SHISAL1: variants seen among roughly 807,000 people sequenced by gnomAD.
SHISAL1 encodes the protein protein shisa-like-1.
In SHISAL1, 9 loss-of-function variants were observed where a neutral mutation model predicts 22.6. The observed-to-expected ratio is 0.40, with a 90% CI of 0.24 to 0.70. The LOEUF (loss-of-function observed/expected upper bound fraction) is 0.70. SHISAL1 is among the 30% of genes least tolerant of loss of function. The pLI, the probability that SHISAL1 is intolerant of heterozygous loss-of-function variation, is 0.39. For synonymous variants in SHISAL1, 119 were observed against 115.4 expected (o/e 1.03, Z -0.20); for missense variants, 246 against 270.6 (o/e 0.91, Z 0.64).
At chr22:44,259,774 TA>T (rs1783808232) in intron 4 of SHISAL1, among the ~76,000 whole-genome samples, 1 of 152,198 alleles carries the variant, frequency 6.6e-6, no homozygotes, top group African/African-American at 2.4e-5. Context: ...AATTTCAGCT[TA>T]GGGGGGCTTG....
At chr22:44,251,967 G>A (rs2055050707) in intron 4 of SHISAL1, among the ~76,000 whole-genome samples, 1 of 152,156 alleles carries the variant, frequency 6.6e-6, no homozygotes, top group Admixed American at 6.5e-5. Context: ...TCATAAAAAG[G>A]ATGAGCAGAA....
chr22:44,285,383 A>G (rs2055305575), intron 4 of SHISAL1, 45 bp downstream of exon 4: 1 of 1,593,532 alleles, frequency 6.3e-7, no homozygotes, highest in African/African-American at 1.3e-5. Flanking sequence ...AGCTCTCCAA[A>G]GACAATGACC....
At chr22:44,266,499 G>C (rs1436809825) in intron 4 of SHISAL1, among the ~76,000 whole-genome samples, 1 of 128,744 alleles carries the variant, frequency 7.8e-6, no homozygotes, top group Non-Finnish European at 1.6e-5. Context: ...GGGGGCTCTG[G>C]TGTATGTGTG....
chr22:44,325,329 G>C, the SHISAL1 span, among the ~76,000 whole-genome samples: 1 of 152,050 alleles, frequency 6.6e-6, no homozygotes, highest in African/African-American at 2.4e-5. Context: ...GATGATGCCA[G>C]GCTTCCTGCA....
At chr22:44,301,610 T>C (rs1185189936) in intron 1 of SHISAL1, among the ~76,000 whole-genome samples, 3 of 152,134 alleles carry the variant, frequency 2.0e-5, no homozygotes, top group Non-Finnish European at 4.4e-5. Context: ...CACACCCATG[T>C]TCCCAGCAGC....
At chr22:44,259,791 G>C (rs967891063) in intron 4 of SHISAL1, among the ~76,000 whole-genome samples, 3 of 152,152 alleles carry the variant, frequency 2.0e-5, no homozygotes, top group African/African-American at 7.2e-5. Context: ...GCTTGCAATC[G>C]AGCGTCCAAT....
chr22:44,308,283 C>T (rs2055493393), intron 1 of SHISAL1, among the ~76,000 whole-genome samples: 1 of 152,238 alleles, frequency 6.6e-6, no homozygotes, highest in South Asian at 2.1e-4. Context: ...CCTCTTCCAT[C>T]AACCCAAGCC....
intron 4 of SHISAL1, among the ~76,000 whole-genome samples, chr22:44,256,193 GA>G (rs1221321911): frequency 4.5e-4 from 55 of 121,470 alleles, no homozygotes; most frequent in Middle Eastern, 8.3e-3. Context: ...CTCAGGACTG[GA>G]ACTCACACCA....
rs2055008413 is a variant in SHISAL1 at position 44,247,174 on chromosome 22, T to A, written c.*2511A>T. ...GTTCCTTTTTGGCAGAGGAAGCACCTACAGAGCATTGTCCAGGACAGCAGG... is the reference window on the plus strand; with the variant it reads ...GTTCCTTTTTGGCAGAGGAAGCACCAACAGAGCATTGTCCAGGACAGCAGG... On this transcript the variant is annotated 3_prime_UTR_variant, in exon 5 of 5. Transcript: ENST00000381176. The A allele has an allele frequency of 2.0e-5, 3 of 152,446 alleles. No individual in the cohort carries two copies. The South Asian group carries it at 6.2e-4, about 32-fold the overall frequency. 9.4% of individuals were successfully genotyped at this position (152,446 alleles called of 1,614,324 possible).
upstream of SHISAL1, among the ~76,000 whole-genome samples, chr22:44,313,399 T>G (rs888769017): frequency 6.6e-6 from 1 of 151,686 alleles, no homozygotes; most frequent in African/African-American, 2.4e-5. Context: ...GGAGGAAGGG[T>G]AGCTGGGACC....
At chr22:44,301,231 G>A (rs969213402) in intron 1 of SHISAL1, among the ~76,000 whole-genome samples, 3 of 152,224 alleles carry the variant, frequency 2.0e-5, no homozygotes, top group African/African-American at 7.2e-5. Context: ...AGGACGGATG[G>A]CTCAGGTGGT....
chr22:44,296,759 G>A lies in SHISAL1; in HGVS notation c.194C>T (p.Thr65Met), dbSNP rs771533801. Residue 65 changes from threonine (T) to methionine (M), a missense_variant, in exon 3 of 5, where the codon ACG becomes ATG. Physicochemically the swap from Thr to Met is moderately conservative, Grantham distance 81. This residue lies in a region of SHISAL1 where 110 missense variants were observed against 153.1 expected (regional missense o/e 0.72). Coordinates refer to ENST00000381176, the MANE Select transcript of SHISAL1 (RefSeq NM_001099294.2). ...TFILCCHHNN[T>M]VFKYCCNETE... ...CTCGTTGCAGCAGTATTTGAAGACC[G>A]TGTTGTTATGGTGACAACAGAGGAT... 34 of 1,614,006 alleles carry A rather than the reference G, an allele frequency of 2.1e-5. No individual in the cohort carries two copies. Among genetic ancestry groups the A allele is most frequent in the Non-Finnish European group, 2.7e-5 (32 of 1,180,026 alleles).
intron 4 of SHISAL1, among the ~76,000 whole-genome samples, chr22:44,271,691 C>A (rs2055206612): frequency 6.6e-6 from 1 of 152,230 alleles, no homozygotes. Flanking sequence ...CCTGCAAAGC[C>A]TAATCTGGGA....
intron 4 of SHISAL1, among the ~76,000 whole-genome samples, chr22:44,263,099 T>G (rs1192480083): frequency 4.0e-5 from 6 of 148,594 alleles, no homozygotes; most frequent in South Asian, 4.4e-4. Context: ...TTTTTTTTTT[T>G]GGAGATGGAG....
intron 4 of SHISAL1, among the ~76,000 whole-genome samples, chr22:44,260,807 G>A (rs2055117059): frequency 6.6e-6 from 1 of 152,106 alleles, no homozygotes; most frequent in Admixed American, 6.5e-5. Context: ...TGGGGTGGGG[G>A]CAGCGTCACT....
upstream of SHISAL1, among the ~76,000 whole-genome samples, chr22:44,313,736 G>A (rs2055538392): frequency 6.6e-6 from 1 of 152,236 alleles, no homozygotes; most frequent in South Asian, 2.1e-4. Flanking sequence ...TACCTTGGCG[G>A]CGCCCTTGGC....
chr22:44,285,385 A>G, intron 4 of SHISAL1, 43 bp downstream of exon 4: 1 of 1,597,646 alleles, frequency 6.3e-7, no homozygotes, highest in South Asian at 1.1e-5. Flanking sequence ...CTCTCCAAAG[A>G]CAATGACCCA....
chr22:44,257,993 A>G (rs2055096290), intron 4 of SHISAL1, among the ~76,000 whole-genome samples: 1 of 152,180 alleles, frequency 6.6e-6, no homozygotes, highest in African/African-American at 2.4e-5. Flanking sequence ...TACAAAAATA[A>G]GCTGGGCATG....
chr22:44,274,101 G>C (rs135411), intron 4 of SHISAL1, among the ~76,000 whole-genome samples: 80,115 of 141,666 alleles, frequency 0.57, 22,371 homozygotes, highest in Non-Finnish European at 0.61. Flanking sequence ...CAAAAATTAG[G>C]CGGACGTGGT....
Sources: gnomAD v4.1 joint callset for allele counts (sites outside exome capture counted in the v4.1 genomes callset) on GRCh38, gnomAD v4.1.1 for gene constraint, gnomAD v4.1.1 regional missense constraint, MANE v1.5 for transcripts, NCBI Gene and HGNC (gene_info 2026-07-23, HGNC 2026-07-21) for gene names.